Variants in YJU2B observed in about 807,000 individuals in gnomAD.
The protein encoded by YJU2B is probable splicing factor YJU2B.
A neutral mutation model predicts 38.0 loss-of-function variants in YJU2B; 18 were observed. That is an observed-to-expected ratio of 0.47 (90% CI 0.33 to 0.70). The LOEUF (loss-of-function observed/expected upper bound fraction) is 0.70, where lower values mean the gene tolerates loss of function less well. YJU2B is among the 30% of genes least tolerant of loss of function. The pLI, the probability that YJU2B is intolerant of heterozygous loss-of-function variation, is 0.02. For missense variants in YJU2B, 538 were observed against 556.3 expected (o/e 0.97, Z 0.33); for synonymous variants, 246 against 225.4 (o/e 1.09, Z -0.82).
intron 2 of YJU2B, among the ~76,000 whole-genome samples, chr19:13,741,690 A>G (rs1973099648): frequency 6.6e-6 from 1 of 152,024 alleles, no homozygotes; most frequent in Admixed American, 6.6e-5. Flanking sequence ...TGATTGCACC[A>G]CTGCACTTCA....
intron 2 of YJU2B, among the ~76,000 whole-genome samples, chr19:13,738,999 G>T (rs1243453178): frequency 2.0e-5 from 3 of 152,010 alleles, no homozygotes; most frequent in African/African-American, 7.3e-5. Context: ...GGGAGACAGA[G>T]GTGGCAGTGA....
In YJU2B at chr19:13,735,288, C is replaced by T. The variant is rs140420467; in HGVS notation, c.-202+3003C>T. 3.0e-3 allele frequency among the ~76,000 whole-genome samples: 460 copies of T among 152,332 alleles called. 1 individual carries two copies. The highest frequency in any genetic ancestry group is 0.011 in the African/African-American group (444 of 41,570). ...CGAGATTGCGCCACCGCACTCCAGC[C>T]TGGAAGACAGAGCGAGACTCTGTCT... On this transcript the variant is annotated intron_variant, in intron 2 of 10. Transcript: ENST00000586600.
intron 8 of YJU2B, 198 bp downstream of exon 8, chr19:13,759,470 CAGT>C: frequency 1.8e-6 from 1 of 541,660 alleles, no homozygotes; most frequent in Non-Finnish European, 3.2e-6. Context: ...TAGACAGAAA[CAGT>C]AGAAATTTGG....
chr19:13,759,586 C>CTG, intron 8 of YJU2B: 1 of 228,684 alleles, frequency 4.4e-6, no homozygotes. Context: ...ACCACCCCCC[C>CTG]CCTCCCCCAG....
chr19:13,739,314 A>G (rs887135014), intron 2 of YJU2B, among the ~76,000 whole-genome samples: 1 of 152,010 alleles, frequency 6.6e-6, no homozygotes, highest in Non-Finnish European at 1.5e-5. Context: ...CCCAGCTGAC[A>G]TATTTTCATT....
intron 2 of YJU2B, among the ~76,000 whole-genome samples, chr19:13,736,757 T>G (rs1972958366): frequency 6.6e-6 from 1 of 151,634 alleles, no homozygotes; most frequent in African/African-American, 2.4e-5. Context: ...CTCGGCCAGG[T>G]GCGGTAGCTC....
Position 13,762,916 on chromosome 19 carries a change from A to G in YJU2B, c.1039A>G (p.Ser347Gly). ...GGAAACAACTGAGACCCCCAAGTGC[A>G]GCAGCCCGAGGGGGCAGGAAGGGAG... is the stretch of plus-strand genomic sequence containing the variant. ...PPETTETPKC[S>G]SPRGQEGSRQ... The change falls in exon 10 of 10, where the codon AGC becomes GGC. Residue 347 changes from serine to glycine, a missense_variant. Around this residue, in one of 2 missense-constraint regions of YJU2B, gnomAD observed 488 missense variants for 469.5 expected, o/e 1.04. Transcript: ENST00000221554. 6.2e-7 allele frequency: 1 copy of G among 1,611,792 alleles called. No homozygotes were observed. The highest frequency in any genetic ancestry group is 8.5e-7 in the Non-Finnish European group (1 of 1,179,714).
chr19:13,736,277 G>A (rs1327696010), intron 2 of YJU2B, among the ~76,000 whole-genome samples: 1 of 23,592 alleles, frequency 4.2e-5, no homozygotes, highest in East Asian at 1.0e-3. Flanking sequence ...TTTTTTTTTT[G>A]TGACGGAGTT....
At chr19:13,756,764 C>T (rs1231132734) in intron 4 of YJU2B, among the ~76,000 whole-genome samples, 3 of 151,980 alleles carry the variant, frequency 2.0e-5, no homozygotes, top group Non-Finnish European at 4.4e-5. Context: ...CACTTGAGAC[C>T]AAGAGTTCGA....
At chr19:13,752,630 G>C (rs1291032476) in intron 2 of YJU2B, among the ~76,000 whole-genome samples, 1 of 152,150 alleles carries the variant, frequency 6.6e-6, no homozygotes, top group Non-Finnish European at 1.5e-5. Flanking sequence ...TGTAGTCCCA[G>C]CCACTCTGGA....
intron 8 of YJU2B, among the ~76,000 whole-genome samples, chr19:13,760,422 G>A (rs487032): frequency 0.99 from 151,236 of 152,142 alleles, 75,168 homozygotes; most frequent in Middle Eastern, 1. Flanking sequence ...TGGTGAGGAC[G>A]TAGCCCTTCT....
At chr19:13,754,442 A>G (rs1973587705) in intron 3 of YJU2B, 100 bp downstream of exon 3, 1 of 1,022,786 alleles carries the variant, frequency 9.8e-7, no homozygotes, top group East Asian at 2.4e-5. Context: ...GTGGCCCCCA[A>G]GGTCTTTTTG....
chr19:13,735,983 C>T (rs1349158872), intron 2 of YJU2B, among the ~76,000 whole-genome samples: 11 of 148,846 alleles, frequency 7.4e-5, no homozygotes, highest in Non-Finnish European at 1.5e-4. Context: ...ACCTGGGAGG[C>T]AGAGCTTGCA....
At chr19:13,739,477 CTCTAT>C (rs777627740) in intron 2 of YJU2B, among the ~76,000 whole-genome samples, 1 of 129,470 alleles carries the variant, frequency 7.7e-6, no homozygotes. Flanking sequence ...TTCAACTCTA[CTCTAT>C]GGATTTGGAA....
intron 2 of YJU2B, among the ~76,000 whole-genome samples, chr19:13,741,944 C>A (rs1017442222): frequency 6.6e-6 from 1 of 152,172 alleles, no homozygotes; most frequent in Non-Finnish European, 1.5e-5. Flanking sequence ...AGAATCTCAT[C>A]AAATATCCAG....
chr19:13,749,758 G>C (rs1455797857), intron 1 of YJU2B, among the ~76,000 whole-genome samples: 1 of 150,592 alleles, frequency 6.6e-6, no homozygotes, highest in East Asian at 2.0e-4. Flanking sequence ...TCAGCCTCCC[G>C]AGTAGCTGGG....
At chr19:13,762,166 G>A (rs1473105042) in intron 8 of YJU2B, 133 bp from the exon 9 acceptor site, 1 of 1,104,950 alleles carries the variant, frequency 9.1e-7, no homozygotes, top group African/African-American at 1.6e-5. Context: ...CTGCACTCCA[G>A]TCTGGGCGAC....
intron 2 of YJU2B, among the ~76,000 whole-genome samples, chr19:13,736,687 G>A (rs1379201944): frequency 6.6e-6 from 1 of 152,128 alleles, no homozygotes; most frequent in Non-Finnish European, 1.5e-5. Flanking sequence ...TGGAGATGCA[G>A]TGATAAACAA....
chr19:13,737,275 G>T (rs1972975746), intron 2 of YJU2B, among the ~76,000 whole-genome samples: 1 of 151,980 alleles, frequency 6.6e-6, no homozygotes, highest in Non-Finnish European at 1.5e-5. Flanking sequence ...TCCTCCCACT[G>T]CAGCCTCCCA....
Sources: allele counts gnomAD v4.1 joint callset (sites outside exome capture counted in the v4.1 genomes callset), GRCh38; gene constraint gnomAD v4.1.1; regional missense constraint gnomAD v4.1.1; transcripts MANE v1.5; gene names NCBI Gene and HGNC (gene_info 2026-07-23, HGNC 2026-07-21).